Variants in STAT5B observed in about 807,000 individuals in gnomAD.
STAT5B encodes the protein transcription factor STAT5B.
In STAT5B, 21 loss-of-function variants were observed where a neutral mutation model predicts 107.8. The observed-to-expected ratio is 0.19, with a 90% CI of 0.14 to 0.28. STAT5B has a LOEUF of 0.28. Among genes scored for constraint, STAT5B ranks in the 10% least tolerant of loss-of-function variants. STAT5B has a pLI of 1.00. For synonymous variants in STAT5B, 325 were observed against 401.7 expected (o/e 0.81, Z 2.28); for missense variants, 565 against 1,008.2 (o/e 0.56, Z 5.95).
At chr17:42,221,336 T>C (rs1442032975) in intron 5 of STAT5B, among the ~76,000 whole-genome samples, 2 of 151,602 alleles carry the variant, frequency 1.3e-5, no homozygotes, top group Non-Finnish European at 2.9e-5. Flanking sequence ...CTTAGGGCTC[T>C]CCTGGAAATT....
At chr17:42,234,688 C>T (rs1235277307) in intron 1 of STAT5B, 1 of 152,220 alleles carries the variant, frequency 6.6e-6, no homozygotes, top group Non-Finnish European at 1.5e-5. Context: ...GGCGAAACCC[C>T]GTCTCTACTA....
intron 1 of STAT5B, among the ~76,000 whole-genome samples, chr17:42,268,078 T>G (rs2080689892): frequency 6.6e-6 from 1 of 152,184 alleles, no homozygotes; most frequent in African/African-American, 2.4e-5. Context: ...CAGACAGTAT[T>G]TTTAAAATCT....
intron 1 of STAT5B, among the ~76,000 whole-genome samples, chr17:42,262,936 A>G (rs1432615350): frequency 1.5e-4 from 7 of 45,506 alleles, no homozygotes; most frequent in East Asian, 8.6e-4. Flanking sequence ...ATATATATGT[A>G]TATATATGTG....
chr17:42,206,668 G>C (rs781191995), intron 16 of STAT5B, among the ~76,000 whole-genome samples: 4 of 151,548 alleles, frequency 2.6e-5, no homozygotes, highest in Non-Finnish European at 5.9e-5. Flanking sequence ...TCCACCTCTC[G>C]GGTTCAAGCA....
rs771869116 is a variant in STAT5B at position 42,210,214 on chromosome 17, G to A, written c.1863C>T (p.Asp621=). Residue 621 remains aspartate, a synonymous_variant, in exon 15 of 19, where the codon GAC becomes GAT. Coordinates refer to ENST00000293328, the MANE Select transcript of STAT5B (RefSeq NM_012448.4). ...CAATGGTGATGCCGCCAATTTCTGA[G>A]TCACTGAATCTCAGGAGGAAGGTCC... is the stretch of plus-strand genomic sequence containing the variant. The part of the protein sequence containing the change: ...PDGTFLLRFS[D]SEIGGITIAW... The A allele has an allele frequency of 6.2e-7, 1 of 1,614,068 alleles. No homozygotes were observed. The highest frequency in any genetic ancestry group is 1.3e-5 in the African/African-American group (1 of 74,932).
At chr17:42,270,205 T>C (rs538451356) in intron 1 of STAT5B, among the ~76,000 whole-genome samples, 25 of 152,268 alleles carry the variant, frequency 1.6e-4, no homozygotes, top group African/African-American at 4.6e-4. Context: ...CGAGGCTCTG[T>C]CTCAAGAAAT....
chr17:42,203,975 T>C (rs187832464), intron 16 of STAT5B, among the ~76,000 whole-genome samples: 1,793 of 152,126 alleles, frequency 0.012, 28 homozygotes, highest in African/African-American at 0.041. Flanking sequence ...AGGGATCTAA[T>C]GGAAAGGCCT....
chr17:42,274,545 G>T (rs888791448), intron 1 of STAT5B, among the ~76,000 whole-genome samples: 2 of 152,160 alleles, frequency 1.3e-5, no homozygotes, highest in Non-Finnish European at 2.9e-5. Context: ...CCATGAGATG[G>T]AAACTGGTAC....
At chr17:42,215,891 G>A (rs931239315) in intron 12 of STAT5B, 123 bp downstream of exon 12, 71 of 1,116,322 alleles carry the variant, frequency 6.4e-5, no homozygotes, top group Non-Finnish European at 1.2e-5. Context: ...CAAAGTGCTG[G>A]GATTACAAGT....
At chr17:42,261,855 C>T (rs1292307661) in intron 1 of STAT5B, among the ~76,000 whole-genome samples, 1 of 152,140 alleles carries the variant, frequency 6.6e-6, no homozygotes, top group African/African-American at 2.4e-5. Context: ...CCACCATGCC[C>T]AGCCAGATTT....
chr17:42,266,572 C>T (rs2144415236), intron 1 of STAT5B, among the ~76,000 whole-genome samples: 1 of 151,720 alleles, frequency 6.6e-6, no homozygotes, highest in South Asian at 2.1e-4. Context: ...AAAATCATTC[C>T]CTTAAAATTA....
At chr17:42,223,305 C>T in intron 5 of STAT5B, 77 bp downstream of exon 5, 1 of 1,608,244 alleles carries the variant, frequency 6.2e-7, no homozygotes, top group Admixed American at 1.7e-5. Context: ...TGTGCTTTCT[C>T]CCAACCCCAC....
chr17:42,211,544 G>A (rs1034540910), intron 13 of STAT5B, among the ~76,000 whole-genome samples: 7 of 151,950 alleles, frequency 4.6e-5, no homozygotes, highest in Non-Finnish European at 1.0e-4. Flanking sequence ...TCAAAGTGAC[G>A]TCTGAATTAG....
upstream of STAT5B, among the ~76,000 whole-genome samples, chr17:42,280,799 G>A (rs1372388846): frequency 6.6e-6 from 1 of 152,114 alleles, no homozygotes; most frequent in Admixed American, 6.5e-5. Flanking sequence ...GAGCATTGGT[G>A]GTGAAAAGTT....
Position 42,265,377 on chromosome 17 carries a change from C to CTTTTTTTTTTTTTTTTTTT in STAT5B, c.-11+10870_-11+10871insAAAAAAAAAAAAAAAAAAA, listed in dbSNP as rs371149930. Among the ~76,000 whole-genome samples, 862 of 110,300 alleles carry CTTTTTTTTTTTTTTTTTTT rather than the reference C, an allele frequency of 7.8e-3. 134 individuals carry two copies. Among genetic ancestry groups the CTTTTTTTTTTTTTTTTTTT allele is most frequent in the African/African-American group, 0.029 (799 of 27,452 alleles). 72.4% of individuals were successfully genotyped at this position (110,300 alleles called of 152,430 possible). On this transcript the variant is annotated intron_variant, in intron 1 of 18. Coordinates refer to ENST00000293328, the MANE Select transcript of STAT5B (RefSeq NM_012448.4). ...GCTAAGTCAAAGGGTATGTACTCTT[C>CTTTTTTTTTTTTTTTTTTT]TTTTTTTTTTTTGAGACGAAGTCTC...
At chr17:42,238,965 A>G (rs182110377) in intron 1 of STAT5B, among the ~76,000 whole-genome samples, 6 of 151,124 alleles carry the variant, frequency 4.0e-5, no homozygotes, top group South Asian at 4.2e-4. Context: ...AGAAAAAAGA[A>G]GAGGCCGGGT....
intron 9 of STAT5B, 27 bp from the exon 10 acceptor site, chr17:42,217,491 A>G (rs779237631): frequency 3.7e-6 from 6 of 1,613,470 alleles, no homozygotes; most frequent in Non-Finnish European, 4.2e-6. Flanking sequence ...GACCAGCTCC[A>G]AACCCATGCC....
chr17:42,274,640 C>T (rs2080750282), intron 1 of STAT5B, among the ~76,000 whole-genome samples: 1 of 152,092 alleles, frequency 6.6e-6, no homozygotes, highest in Non-Finnish European at 1.5e-5. Flanking sequence ...CAGAACCACT[C>T]CAATATTTAC....
chr17:42,202,497 C>G (rs1230502001), intron 17 of STAT5B, 50 bp from the exon 18 acceptor site: 3 of 1,604,590 alleles, frequency 1.9e-6, no homozygotes, highest in African/African-American at 2.7e-5. Flanking sequence ...GCCAGGGCAG[C>G]TGACTTGGGG....
Sources: gnomAD v4.1 joint callset for allele counts (sites outside exome capture counted in the v4.1 genomes callset) on GRCh38, gnomAD v4.1.1 for gene constraint, MANE v1.5 for transcripts, NCBI Gene and HGNC (gene_info 2026-07-23, HGNC 2026-07-21) for gene names.